The following REEP1 variants were observed in gnomAD, a reference collection of about 807,000 sequenced individuals.
The protein encoded by REEP1 is receptor expression-enhancing protein 1.
In REEP1, 22 loss-of-function variants were observed where a neutral mutation model predicts 40.3. The observed-to-expected ratio is 0.55, with a 90% confidence interval of 0.39 to 0.78. REEP1 has a LOEUF of 0.78. REEP1 is among the 30% of genes least tolerant of loss of function. REEP1 has a pLI of 0.00. For missense variants in REEP1, 280 were observed against 361.1 expected, an observed-to-expected ratio of 0.78 and a Z score of 1.82; for synonymous variants, 116 against 139.2, an observed-to-expected ratio of 0.83 and a Z score of 1.17.
intron 4 of REEP1, among the ~76,000 whole-genome samples, chr2:86,253,142 A>G (rs1467557589): frequency 6.6e-6 from 1 of 152,146 alleles, no homozygotes; most frequent in Non-Finnish European, 1.5e-5. Context: ...TGAGTCAGGC[A>G]TGGTGGCACG....
At chr2:86,217,879 C>T (rs1341057393) in intron 8 of REEP1, among the ~76,000 whole-genome samples, 1 of 151,820 alleles carries the variant, frequency 6.6e-6, no homozygotes, top group Non-Finnish European at 1.5e-5. Context: ...CTCAAGAGAC[C>T]CCTCCTTCCA....
intron 2 of REEP1, among the ~76,000 whole-genome samples, chr2:86,270,596 T>C (rs1373840567): frequency 6.6e-6 from 1 of 152,138 alleles, no homozygotes; most frequent in African/African-American, 2.4e-5. Flanking sequence ...AAGGAAACTC[T>C]TAAAAAAGAA....
intron 1 of REEP1, among the ~76,000 whole-genome samples, chr2:86,294,053 A>C (rs1295526784): frequency 1.3e-5 from 2 of 152,258 alleles, no homozygotes; most frequent in South Asian, 4.1e-4. Context: ...GATTACATTT[A>C]TAAGTGGACT....
intron 5 of REEP1, 33 bp from the exon 6 acceptor site, chr2:86,232,835 G>T: frequency 6.3e-7 from 1 of 1,591,236 alleles, no homozygotes; most frequent in South Asian, 1.1e-5. Context: ...ACACGTCAGA[G>T]GTCCTGCTCC....
chr2:86,226,029 C>T (rs907083007), intron 7 of REEP1, among the ~76,000 whole-genome samples: 10 of 151,536 alleles, frequency 6.6e-5, no homozygotes, highest in African/African-American at 2.2e-4. Context: ...TGTCCAGAAC[C>T]GGGAGACCTC....
intron 1 of REEP1, among the ~76,000 whole-genome samples, chr2:86,294,994 C>T (rs1413151662): frequency 6.6e-6 from 1 of 151,978 alleles, no homozygotes; most frequent in Non-Finnish European, 1.5e-5. Flanking sequence ...GGATGTTTGG[C>T]TCAGGTCCAG....
intron 1 of REEP1, among the ~76,000 whole-genome samples, chr2:86,327,135 T>C (rs1301222815): frequency 2.0e-5 from 3 of 152,238 alleles, no homozygotes; most frequent in Admixed American, 1.3e-4. Context: ...TTCACTGTTT[T>C]AACCTAGTCA....
At chr2:86,289,151 G>A (rs1558917206) in intron 1 of REEP1, among the ~76,000 whole-genome samples, 1 of 151,948 alleles carries the variant, frequency 6.6e-6, no homozygotes, top group Non-Finnish European at 1.5e-5. Context: ...TCCTGGTCAC[G>A]TATATTTTCT....
chr2:86,228,190 T>TC (rs1674817855), intron 6 of REEP1, among the ~76,000 whole-genome samples: 1 of 152,182 alleles, frequency 6.6e-6, no homozygotes, highest in South Asian at 2.1e-4. Flanking sequence ...AGACCCTGTG[T>TC]CCTCACTGCA....
intron 1 of REEP1, among the ~76,000 whole-genome samples, chr2:86,299,790 A>T (rs1679176157): frequency 6.6e-6 from 1 of 152,248 alleles, no homozygotes. Flanking sequence ...AGCACAACTC[A>T]TCTATGTTGA....
At chr2:86,232,115 G>A (rs1008310621) in intron 6 of REEP1, among the ~76,000 whole-genome samples, 28 of 152,190 alleles carry the variant, frequency 1.8e-4, no homozygotes, top group African/African-American at 6.8e-4. Flanking sequence ...TGGGGGTGGT[G>A]TGAGGTACAT....
At chr2:86,328,523 C>G (rs955425541) in intron 1 of REEP1, among the ~76,000 whole-genome samples, 1 of 152,112 alleles carries the variant, frequency 6.6e-6, no homozygotes, top group Non-Finnish European at 1.5e-5. Flanking sequence ...TACTAAAATA[C>G]AAAAAATTAG....
intron 1 of REEP1, among the ~76,000 whole-genome samples, chr2:86,330,528 T>C (rs1404082503): frequency 1.3e-5 from 2 of 151,150 alleles, no homozygotes; most frequent in Non-Finnish European, 3.0e-5. Context: ...CACTGCAACC[T>C]CCAGCTCCCA....
chr2:86,216,966 A>G lies in REEP1; in HGVS notation c.*73T>C. 8.2e-6 allele frequency: 11 copies of G among 1,343,638 alleles called. No homozygotes were observed. Among genetic ancestry groups the G allele is most frequent in the Admixed American group, 1.7e-5 (1 of 57,532 alleles). 83.2% of individuals were successfully genotyped at this position (1,343,638 alleles called of 1,614,324 possible). A position where few individuals can be genotyped will look rare whatever the true frequency, so the allele number is the denominator to read the frequency against. On this transcript the variant is annotated 3_prime_UTR_variant, in exon 9 of 9. Coordinates refer to ENST00000538924, the MANE Select transcript of REEP1 (RefSeq NM_001371279.1). Reference sequence around the variant, plus strand: ...AAGCACACCCAGCTTGCGGATTTCTATGTTATTAGTGAATAGCTCTTTAAG... The same window carrying G: ...AAGCACACCCAGCTTGCGGATTTCTGTGTTATTAGTGAATAGCTCTTTAAG...
chr2:86,241,801 T>C (rs563540576), intron 5 of REEP1, among the ~76,000 whole-genome samples: 20 of 152,260 alleles, frequency 1.3e-4, no homozygotes, highest in African/African-American at 4.8e-4. Context: ...TCTTGGCAGG[T>C]GGCAGGTGCT....
At chr2:86,329,248 G>T (rs1680650375) in intron 1 of REEP1, among the ~76,000 whole-genome samples, 1 of 152,214 alleles carries the variant, frequency 6.6e-6, no homozygotes, top group South Asian at 2.1e-4. Flanking sequence ...AGGATGCGGG[G>T]TGTGGCGAGC....
intron 1 of REEP1, among the ~76,000 whole-genome samples, chr2:86,317,053 G>A (rs1045999569): frequency 2.6e-5 from 4 of 152,140 alleles, no homozygotes; most frequent in Non-Finnish European, 2.9e-5. Flanking sequence ...GACAGGAGGC[G>A]GTCGAGGGTG....
At chr2:86,251,782 A>G in intron 5 of REEP1, 175 bp downstream of exon 5, 1 of 679,160 alleles carries the variant, frequency 1.5e-6, no homozygotes, top group Non-Finnish European at 2.7e-6. Flanking sequence ...TTGGGGGGTG[A>G]GAATTTTCTG....
At chr2:86,261,978 A>G (rs1203469474) in intron 3 of REEP1, among the ~76,000 whole-genome samples, 7 of 152,158 alleles carry the variant, frequency 4.6e-5, no homozygotes, top group Admixed American at 4.6e-4. Context: ...TTGATTCTCT[A>G]CCTTGTCTAT....
Sources: gnomAD v4.1 joint callset for allele counts (sites outside exome capture counted in the v4.1 genomes callset) on GRCh38, gnomAD v4.1.1 for gene constraint, MANE v1.5 for transcripts, NCBI Gene and HGNC (gene_info 2026-07-23, HGNC 2026-07-21) for gene names.